The following KAZN variants were observed in gnomAD, a reference collection of about 807,000 sequenced individuals.
KAZN encodes the protein kazrin.
In KAZN, 40 loss-of-function variants were observed where a neutral mutation model predicts 87.4. The ratio of observed to expected loss-of-function variants is 0.46; its 90% CI spans 0.36 to 0.60. The LOEUF (loss-of-function observed/expected upper bound fraction) is 0.60, where lower values mean the gene tolerates loss of function less well. Ranked by LOEUF, KAZN falls within the 20% of genes least tolerant of loss-of-function variation. The pLI, the probability that KAZN is intolerant of heterozygous loss-of-function variation, is 0.00. For missense variants in KAZN, 898 were observed against 1,073.9 expected (o/e 0.84, Z 2.29); for synonymous variants, 466 against 458.3 (o/e 1.02, Z -0.22).
intron 1 of KAZN, among the ~76,000 whole-genome samples, chr1:14,151,302 G>A (rs1645469351): frequency 1.3e-5 from 2 of 152,008 alleles, no homozygotes; most frequent in Admixed American, 6.6e-5. Context: ...TTTGAACCAT[G>A]CATTTTTTTT....
intron 2 of KAZN, among the ~76,000 whole-genome samples, chr1:14,285,279 C>A (rs927196413): frequency 6.6e-6 from 1 of 152,176 alleles, no homozygotes; most frequent in Non-Finnish European, 1.5e-5. Flanking sequence ...CCATTATTAT[C>A]CTTTTCAGAA....
intron 1 of KAZN, among the ~76,000 whole-genome samples, chr1:14,005,897 A>C (rs1428604868): frequency 6.6e-6 from 1 of 152,202 alleles, no homozygotes; most frequent in Non-Finnish European, 1.5e-5. Flanking sequence ...AAACAAGGGC[A>C]CTGTAGCATT....
intron 2 of KAZN, among the ~76,000 whole-genome samples, chr1:15,007,738 G>C (rs1669174382): frequency 6.6e-6 from 1 of 152,230 alleles, no homozygotes; most frequent in African/African-American, 2.4e-5. Context: ...TCTCCACAGC[G>C]GAGGAGACTG....
chr1:14,999,481 C>T (rs1271657648), intron 2 of KAZN, among the ~76,000 whole-genome samples: 1 of 150,174 alleles, frequency 6.7e-6, no homozygotes, highest in African/African-American at 2.5e-5. Context: ...GCGTTCAGCC[C>T]CAGGCATTGC....
Position 15,053,873 on chromosome 1 carries a change from G to A in KAZN, c.727-2218G>A, listed in dbSNP as rs151260530. ...CTGACACCCTCAGCTTAGCCTCTGC[G>A]GTATGGATTTCTATTCCCTGGAAGC... On this transcript the variant is annotated intron_variant, in intron 4 of 14. Coordinates refer to ENST00000376030, the MANE Select transcript of KAZN (RefSeq NM_201628.3). Among the ~76,000 whole-genome samples the A allele has an allele frequency of 2.0e-4, 31 of 152,298 alleles. No homozygotes were observed. The East Asian group carries it at 3.7e-3, about 18-fold the overall frequency.
At chr1:14,152,655 G>C (rs1423612814) in intron 1 of KAZN, among the ~76,000 whole-genome samples, 1 of 152,216 alleles carries the variant, frequency 6.6e-6, no homozygotes, top group Non-Finnish European at 1.5e-5. Context: ...AAACACAGTA[G>C]TGCAGATATC....
At chr1:14,721,482 A>G (rs10927517) in intron 1 of KAZN, among the ~76,000 whole-genome samples, 47,682 of 152,108 alleles carry the variant, frequency 0.31, 7,674 homozygotes, top group Middle Eastern at 0.48. Context: ...TATTAGTAGC[A>G]TGAGAACAGA....
intron 2 of KAZN, among the ~76,000 whole-genome samples, chr1:14,419,819 T>A (rs1237136750): frequency 1.3e-5 from 2 of 152,120 alleles, no homozygotes; most frequent in Non-Finnish European, 2.9e-5. Context: ...GTTCGGGGTC[T>A]CGCTGGTCTC....
intron 7 of KAZN, 58 bp from the exon 8 acceptor site, chr1:15,065,572 C>G: frequency 6.8e-7 from 1 of 1,473,044 alleles, no homozygotes; most frequent in Non-Finnish European, 9.3e-7. Flanking sequence ...TGCACCCCAG[C>G]TAAGCTTGGC....
intron 1 of KAZN, among the ~76,000 whole-genome samples, chr1:13,947,925 T>C (rs2100988512): frequency 6.6e-6 from 1 of 152,326 alleles, no homozygotes; most frequent in South Asian, 2.1e-4. Context: ...CACTCTGAGT[T>C]AGCTTTTCTG....
intron 1 of KAZN, among the ~76,000 whole-genome samples, chr1:13,966,002 G>A (rs1641928668): frequency 6.6e-6 from 1 of 152,168 alleles, no homozygotes; most frequent in Admixed American, 6.5e-5. Context: ...GCAGAGGACA[G>A]CAAAAAGCAG....
chr1:14,151,751 C>T (rs1645478042), intron 1 of KAZN, among the ~76,000 whole-genome samples: 1 of 152,202 alleles, frequency 6.6e-6, no homozygotes, highest in African/African-American at 2.4e-5. Flanking sequence ...AGGTAAGCTT[C>T]CTGGGCCTTT....
intron 1 of KAZN, among the ~76,000 whole-genome samples, chr1:14,605,857 C>T (rs1677316897): frequency 1.3e-5 from 2 of 152,140 alleles, no homozygotes; most frequent in African/African-American, 4.8e-5. Context: ...CACTTGTTTG[C>T]AGTGAGATAG....
At chr1:14,592,473 C>G (rs1265463909) in intron 2 of KAZN, among the ~76,000 whole-genome samples, 1 of 152,164 alleles carries the variant, frequency 6.6e-6, no homozygotes, top group Non-Finnish European at 1.5e-5. Flanking sequence ...ATGCAGATAT[C>G]GAGACACTGG....
intron 2 of KAZN, among the ~76,000 whole-genome samples, chr1:14,249,204 C>G (rs992573966): frequency 2.0e-5 from 3 of 152,196 alleles, no homozygotes; most frequent in African/African-American, 7.2e-5. Flanking sequence ...CACCATTAAA[C>G]TTTGAGGTGG....
intron 1 of KAZN, among the ~76,000 whole-genome samples, chr1:14,116,761 C>T (rs1295259455): frequency 1.3e-5 from 2 of 152,206 alleles, no homozygotes; most frequent in Non-Finnish European, 2.9e-5. Context: ...CACTCAATGC[C>T]AGCCTGTGAA....
intron 2 of KAZN, among the ~76,000 whole-genome samples, chr1:14,327,129 C>A (rs1656492319): frequency 6.6e-6 from 1 of 152,140 alleles, no homozygotes; most frequent in South Asian, 2.1e-4. Context: ...AACAAGTGTG[C>A]CTCAAGGAAT....
At chr1:14,475,408 C>A (rs975757479) in intron 2 of KAZN, among the ~76,000 whole-genome samples, 1 of 152,168 alleles carries the variant, frequency 6.6e-6, no homozygotes, top group South Asian at 2.1e-4. Flanking sequence ...ACCTACTGAT[C>A]CATTACACCA....
intron 2 of KAZN, among the ~76,000 whole-genome samples, chr1:14,514,076 T>G (rs770364424): frequency 1.5e-4 from 23 of 150,574 alleles, no homozygotes; most frequent in Non-Finnish European, 3.2e-4. Flanking sequence ...ATCCCAGCAC[T>G]TTGGGAGGCC....
Sources: allele counts gnomAD v4.1 joint callset (sites outside exome capture counted in the v4.1 genomes callset), GRCh38; gene constraint gnomAD v4.1.1; transcripts MANE v1.5; gene names NCBI Gene and HGNC (gene_info 2026-07-23, HGNC 2026-07-21).